Variants in TMEM232 observed in about 807,000 individuals in gnomAD.
TMEM232 encodes the protein transmembrane protein 232.
In TMEM232, 80 loss-of-function variants were observed where a neutral mutation model predicts 78.8. The ratio of observed to expected loss-of-function variants is 1.01; its 90% CI spans 0.85 to 1.22. The LOEUF (loss-of-function observed/expected upper bound fraction) is 1.22, where lower values mean the gene tolerates loss of function less well. Among genes scored for constraint, TMEM232 ranks in the 50% most tolerant of loss-of-function variants. The probability of loss-of-function intolerance (pLI) is 0.00; values close to 1 mark genes in which losing one functional copy is unlikely to be tolerated. For missense variants in TMEM232, 881 were observed against 742.2 expected (o/e 1.19, Z -2.17); for synonymous variants, 297 against 254.3 (o/e 1.17, Z -1.60).
At chr5:110,738,912 TCTC>T (rs1799503291), upstream of TMEM232, 1 of 1,342,768 alleles carries the variant, frequency 7.4e-7, no homozygotes, top group East Asian at 2.6e-5. Flanking sequence ...TACCGCCGCG[TCTC>T]CCTAGCAACC....
chr5:110,478,266 GAT>G (rs1381383335), intron 12 of TMEM232, among the ~76,000 whole-genome samples: 1 of 151,870 alleles, frequency 6.6e-6, no homozygotes, highest in Non-Finnish European at 1.5e-5. Context: ...ATATTAAAAA[GAT>G]AAAGTTTTTA....
intron 11 of TMEM232, among the ~76,000 whole-genome samples, chr5:110,556,437 G>A (rs1775103745): frequency 1.3e-5 from 2 of 151,210 alleles, no homozygotes; most frequent in Non-Finnish European, 1.5e-5. Flanking sequence ...ACTCAGGCTG[G>A]AGTGCAGTAG....
chr5:110,538,852 T>C (rs995470798), intron 11 of TMEM232, among the ~76,000 whole-genome samples: 1 of 152,126 alleles, frequency 6.6e-6, no homozygotes, highest in African/African-American at 2.4e-5. Context: ...TACTCTGTTT[T>C]CACTGCTTTT....
intron 1 of TMEM232, among the ~76,000 whole-genome samples, chr5:110,676,014 T>C (rs1791980313): frequency 6.6e-6 from 1 of 152,248 alleles, no homozygotes; most frequent in African/African-American, 2.4e-5. Flanking sequence ...AGTGAAAACA[T>C]GGCATATTTT....
At chr5:110,452,015 C>T (rs1287684383) in intron 12 of TMEM232, among the ~76,000 whole-genome samples, 1 of 152,034 alleles carries the variant, frequency 6.6e-6, no homozygotes, top group Non-Finnish European at 1.5e-5. Context: ...CATATTCTAG[C>T]AAAGAAAACC....
At chr5:110,635,746 A>C (rs1785720274) in intron 5 of TMEM232, among the ~76,000 whole-genome samples, 1 of 151,668 alleles carries the variant, frequency 6.6e-6, no homozygotes. Flanking sequence ...ATTATTAAAA[A>C]GACAAAAAAA....
chr5:110,487,895 T>A (rs1764641994), intron 12 of TMEM232, among the ~76,000 whole-genome samples: 1 of 152,052 alleles, frequency 6.6e-6, no homozygotes, highest in Admixed American at 6.6e-5. Flanking sequence ...TTTCTCTATC[T>A]TGTGGAATAG....
intron 2 of TMEM232, among the ~76,000 whole-genome samples, chr5:110,656,022 T>A (rs900922265): frequency 2.6e-5 from 4 of 151,622 alleles, no homozygotes; most frequent in Non-Finnish European, 5.9e-5. Flanking sequence ...AACCTGCACA[T>A]TGTGCACATG....
chr5:110,400,383 C>T (rs1379848697), intron 2 of TMEM232, among the ~76,000 whole-genome samples: 1 of 151,992 alleles, frequency 6.6e-6, no homozygotes, highest in Non-Finnish European at 1.5e-5. Context: ...AAGAAAATGC[C>T]TGCCACATTA....
At chr5:110,452,479 A>AATTG in intron 12 of TMEM232, among the ~76,000 whole-genome samples, 1 of 152,298 alleles carries the variant, frequency 6.6e-6, no homozygotes, top group South Asian at 2.1e-4. Flanking sequence ...AAAAACCCTG[A>AATTG]ATTGATTTAA....
chr5:110,628,951 A>G (rs942598222), intron 5 of TMEM232: 1 of 152,094 alleles, frequency 6.6e-6, no homozygotes, highest in Non-Finnish European at 1.5e-5. Context: ...ATAAATTTTG[A>G]GAATGCATCA....
chr5:110,468,920 CTAGAAACA>C (rs942050040), intron 12 of TMEM232, among the ~76,000 whole-genome samples: 30 of 152,228 alleles, frequency 2.0e-4, no homozygotes, highest in Admixed American at 7.2e-4. Context: ...CACAAAAACT[CTAGAAACA>C]TAGAGAACAA....
intron 1 of TMEM232, among the ~76,000 whole-genome samples, chr5:110,683,289 G>C (rs1016734824): frequency 3.3e-5 from 5 of 152,060 alleles, no homozygotes; most frequent in South Asian, 2.1e-4. Flanking sequence ...TTTGTGCATA[G>C]CTGGCCTTTT....
In TMEM232 at chr5:110,593,550, A is replaced by C. The variant is rs1580285464; in HGVS notation, c.1276+11559T>G. Among the ~76,000 whole-genome samples, 3 of 152,254 alleles carry C rather than the reference A, an allele frequency of 2.0e-5. No homozygotes were observed. In the South Asian group the frequency reaches 6.2e-4, roughly 32 times the overall value. On this transcript the variant is annotated intron_variant, in intron 10 of 13. Transcript: ENST00000455884. ...ATATGGAACTAGAGGTCATTATGTT[A>C]AATGAAATAAGCCAGGCACAGTAGG...
chr5:110,669,399 G>C (rs1561486475), intron 1 of TMEM232, among the ~76,000 whole-genome samples: 1 of 151,972 alleles, frequency 6.6e-6, no homozygotes, highest in Non-Finnish European at 1.5e-5. Context: ...ATAAATTCCT[G>C]GACACATACA....
intron 1 of TMEM232, among the ~76,000 whole-genome samples, chr5:110,716,542 T>TA (rs781274491): frequency 2.6e-5 from 4 of 152,102 alleles, no homozygotes; most frequent in Non-Finnish European, 4.4e-5. Context: ...CAGTTCACAA[T>TA]AGAGTTTGCA....
At chr5:110,472,267 A>G (rs1397754940) in intron 12 of TMEM232, among the ~76,000 whole-genome samples, 3 of 152,044 alleles carry the variant, frequency 2.0e-5, no homozygotes, top group African/African-American at 7.2e-5. Context: ...TATCTGAAAA[A>G]GAAATAAAAG....
intron 3 of TMEM232, among the ~76,000 whole-genome samples, chr5:110,641,831 A>G (rs1226153136): frequency 6.6e-6 from 1 of 152,128 alleles, no homozygotes; most frequent in Non-Finnish European, 1.5e-5. Flanking sequence ...AAATTTGGGG[A>G]TTAATGTCAT....
chr5:110,389,317 C>T (rs1013461514), intron 4 of TMEM232, among the ~76,000 whole-genome samples: 16 of 151,898 alleles, frequency 1.1e-4, no homozygotes, highest in East Asian at 3.9e-4. Flanking sequence ...TAAGCAGAGG[C>T]GTATTTACCA....
Sources: allele counts gnomAD v4.1 joint callset (sites outside exome capture counted in the v4.1 genomes callset), GRCh38; gene constraint gnomAD v4.1.1; transcripts MANE v1.5; gene names NCBI Gene and HGNC (gene_info 2026-07-23, HGNC 2026-07-21).